RIMS2: variants seen among roughly 807,000 people sequenced by gnomAD.
The protein encoded by RIMS2 is regulating synaptic membrane exocytosis protein 2.
A neutral mutation model predicts 174.4 loss-of-function variants in RIMS2; 59 were observed. The ratio of observed to expected loss-of-function variants is 0.34; its 90% CI spans 0.27 to 0.42. The LOEUF (loss-of-function observed/expected upper bound fraction) is 0.42, where lower values mean the gene tolerates loss of function less well. RIMS2 is among the 10% of genes least tolerant of loss of function. The probability of loss-of-function intolerance (pLI) is 1.00; values close to 1 mark genes in which losing one functional copy is unlikely to be tolerated. For synonymous variants in RIMS2, 606 were observed against 572.5 expected, an observed-to-expected ratio of 1.06 and a Z score of -0.84; for missense variants, 1,620 against 1,666.3, an observed-to-expected ratio of 0.97 and a Z score of 0.48.
intron 15 of RIMS2, among the ~76,000 whole-genome samples, chr8:103,962,505 A>T (rs2090463511): frequency 6.6e-6 from 1 of 152,220 alleles, no homozygotes; most frequent in African/African-American, 2.4e-5. Context: ...GAATCGTTTA[A>T]TAAGACACTG....
At position 104,155,495 on chromosome 8, in the gene RIMS2, G is replaced by A. The variant is rs920552181; in HGVS notation, c.3335-89421G>A. Among the ~76,000 whole-genome samples, 5 of 135,472 alleles carry A rather than the reference G, an allele frequency of 3.7e-5. No individual in the cohort carries two copies. In the Admixed American group the frequency reaches 4.1e-4, roughly 11 times the overall value. The allele number at this position is 135,472 out of a possible 152,430, so 88.9% of individuals were successfully genotyped here. A position where few individuals can be genotyped will look rare whatever the true frequency, so the allele number is the denominator to read the frequency against. ...GTGGCGCGATCTCGGCTCACTGCAA[G>A]CTCCATCTCCCAGGTTCATGCCATT... On this transcript the variant is annotated intron_variant, in intron 19 of 23. Coordinates refer to ENST00000504942, the Ensembl canonical transcript of RIMS2.
At position 103,785,044 on chromosome 8, in the gene RIMS2, G is replaced by A. The variant is rs956998243; in HGVS notation, c.698+18507G>A. 1.6e-4 allele frequency among the ~76,000 whole-genome samples: 23 copies of A among 141,568 alleles called. 2 individuals carry two copies. Among genetic ancestry groups the A allele is most frequent in the African/African-American group, 5.9e-4 (22 of 37,158 alleles). The allele number at this position is 141,568 out of a possible 152,430, so 92.9% of individuals were successfully genotyped here. ...CTCTTTGAAGCAATTGTGAATGGGAGTTCACTCATGATTTGGCTCTCTGTT... is the reference window on the plus strand; with the variant it reads ...CTCTTTGAAGCAATTGTGAATGGGAATTCACTCATGATTTGGCTCTCTGTT... On this transcript the variant is annotated intron_variant, in intron 3 of 23. Transcript: ENST00000504942.
intron 2 of RIMS2, among the ~76,000 whole-genome samples, chr8:103,698,710 T>C (rs1310289276): frequency 1.3e-5 from 2 of 151,970 alleles, no homozygotes; most frequent in Admixed American, 1.3e-4. Context: ...GGCTCAAGTG[T>C]TCCTCCTGCC....
At chr8:104,024,131 C>T (rs1039217669) in intron 19 of RIMS2, among the ~76,000 whole-genome samples, 7 of 151,984 alleles carry the variant, frequency 4.6e-5, no homozygotes, top group Admixed American at 2.6e-4. Flanking sequence ...TATCTAGAGC[C>T]GTGAGGAGAG....
intron 1 of RIMS2, among the ~76,000 whole-genome samples, chr8:103,544,110 T>G (rs369665373): frequency 6.6e-5 from 10 of 152,100 alleles, no homozygotes; most frequent in African/African-American, 1.9e-4. Flanking sequence ...GTCAAACAAC[T>G]CAATAGCAAG....
At chr8:103,768,751 G>T (rs1233937588) in intron 3 of RIMS2, 2 of 757,570 alleles carry the variant, frequency 2.6e-6, no homozygotes, top group African/African-American at 1.7e-5. Flanking sequence ...CCAGTATGTT[G>T]TAAGAAAGCC....
chr8:104,207,464 A>C (rs1383191814), intron 19 of RIMS2, among the ~76,000 whole-genome samples: 2 of 152,212 alleles, frequency 1.3e-5, no homozygotes, highest in Admixed American at 1.3e-4. Context: ...ACCAGGGAAC[A>C]TAATATTCCC....
At chr8:103,662,770 G>C (rs938013153) in intron 1 of RIMS2, among the ~76,000 whole-genome samples, 4 of 151,908 alleles carry the variant, frequency 2.6e-5, no homozygotes, top group African/African-American at 9.7e-5. Context: ...AGCTACAAGT[G>C]TAATTTTTAC....
intron 3 of RIMS2, among the ~76,000 whole-genome samples, chr8:103,795,999 A>T (rs2098547537): frequency 2.0e-5 from 3 of 152,168 alleles, no homozygotes; most frequent in African/African-American, 7.2e-5. Context: ...AATCATTCTT[A>T]TGGCCATTTA....
intron 2 of RIMS2, among the ~76,000 whole-genome samples, chr8:103,717,138 CTTTTTT>C (rs11373218): frequency 1.8e-5 from 2 of 113,106 alleles, no homozygotes; most frequent in Non-Finnish European, 3.5e-5. Context: ...ATAGTGCCTT[CTTTTTT>C]TTTTTTTTTT....
chr8:103,976,512 C>T (rs2093434691), intron 16 of RIMS2: 1 of 150,866 alleles, frequency 6.6e-6, no homozygotes. Context: ...TAACAAATAT[C>T]AGAATACTAA....
At chr8:103,843,257 A>T (rs2098950712) in intron 3 of RIMS2, among the ~76,000 whole-genome samples, 1 of 152,152 alleles carries the variant, frequency 6.6e-6, no homozygotes, top group Admixed American at 6.6e-5. Flanking sequence ...TCGTAACCCC[A>T]ACAATTTCAT....
At chr8:103,614,302 C>G (rs1448089799) in intron 1 of RIMS2, among the ~76,000 whole-genome samples, 1 of 152,270 alleles carries the variant, frequency 6.6e-6, no homozygotes, top group Admixed American at 6.5e-5. Context: ...CAGCTTTGCT[C>G]TCCACTATGA....
intron 19 of RIMS2, among the ~76,000 whole-genome samples, chr8:104,170,694 A>G (rs1310736274): frequency 6.6e-6 from 1 of 152,072 alleles, no homozygotes; most frequent in Admixed American, 6.5e-5. Context: ...TATTCTATTC[A>G]TCATATTAGC....
exon 21 of RIMS2, chr8:104,248,812 G>A (rs752817349): frequency 6.7e-7 from 1 of 1,502,182 alleles, no homozygotes; most frequent in Admixed American, 1.7e-5. Context: ...CACCTGCAAT[G>A]GGTAAGAATT....
chr8:103,510,671 C>T (rs576220306), intron 1 of RIMS2, among the ~76,000 whole-genome samples: 34 of 152,184 alleles, frequency 2.2e-4, no homozygotes, highest in African/African-American at 7.7e-4. Flanking sequence ...ATTGCGATGC[C>T]GTCTCTCTGA....
At chr8:103,619,093 GAA>G (rs56210078) in intron 1 of RIMS2, among the ~76,000 whole-genome samples, 7,288 of 107,110 alleles carry the variant, frequency 0.068, 599 homozygotes, top group African/African-American at 0.22. Context: ...ACTTTTTGCT[GAA>G]AAAAAAAAAA....
At chr8:103,768,572 C>A in intron 3 of RIMS2, 1 of 1,501,346 alleles carries the variant, frequency 6.7e-7, no homozygotes, top group Non-Finnish European at 9.3e-7. Flanking sequence ...AAAATCAGTT[C>A]GTGGTTGCAT....
chr8:103,608,033 G>A (rs1373633196), intron 1 of RIMS2, among the ~76,000 whole-genome samples: 22 of 145,718 alleles, frequency 1.5e-4, no homozygotes, highest in African/African-American at 2.9e-4. Context: ...GCTTTGTTCC[G>A]TTGCTGGTGA....
Sources: allele counts gnomAD v4.1 joint callset (sites outside exome capture counted in the v4.1 genomes callset), GRCh38; gene constraint gnomAD v4.1.1; transcripts MANE v1.5; gene names NCBI Gene and HGNC (gene_info 2026-07-23, HGNC 2026-07-21).